KIF26B: variants seen among roughly 807,000 people sequenced by gnomAD.
KIF26B encodes the protein kinesin family member 26B.
A neutral mutation model predicts 151.2 loss-of-function variants in KIF26B; 63 were observed. The ratio of observed to expected loss-of-function variants is 0.42; its 90% confidence interval spans 0.34 to 0.51. The LOEUF (loss-of-function observed/expected upper bound fraction) is 0.51. Ranked by LOEUF, KIF26B falls within the 20% of genes least tolerant of loss-of-function variation. The pLI, the probability that KIF26B is intolerant of heterozygous loss-of-function variation, is 0.07. For missense variants in KIF26B, 2,813 were observed against 2,913.6 expected, an observed-to-expected ratio of 0.97 and a Z score of 0.79; for synonymous variants, 1,357 against 1,262.1, an observed-to-expected ratio of 1.08 and a Z score of -1.59.
At chr1:245,190,973 C>T (rs1287705109) in intron 2 of KIF26B, among the ~76,000 whole-genome samples, 5 of 135,092 alleles carry the variant, frequency 3.7e-5, no homozygotes, top group Admixed American at 1.7e-4. Context: ...GCTGGAGAAT[C>T]GCTTGAACCT....
chr1:245,485,974 G>A (rs1159799862), intron 4 of KIF26B, among the ~76,000 whole-genome samples: 1 of 152,178 alleles, frequency 6.6e-6, no homozygotes, highest in East Asian at 1.9e-4. Context: ...TGGCAACCCC[G>A]TCCTCCAGCT....
At chr1:245,314,160 T>G (rs760976926) in intron 2 of KIF26B, among the ~76,000 whole-genome samples, 1 of 152,122 alleles carries the variant, frequency 6.6e-6, no homozygotes, top group Admixed American at 6.6e-5. Context: ...TAAAAACTTA[T>G]ATTCAGGCGG....
chr1:245,681,527 T>C (rs148008502), intron 10 of KIF26B, among the ~76,000 whole-genome samples: 322 of 152,210 alleles, frequency 2.1e-3, no homozygotes, highest in African/African-American at 7.3e-3. Context: ...GTATGTTTTC[T>C]TGGGGACTTA....
intron 2 of KIF26B, among the ~76,000 whole-genome samples, chr1:245,249,198 A>G (rs891203389): frequency 1.3e-5 from 2 of 151,796 alleles, no homozygotes; most frequent in African/African-American, 2.4e-5. Flanking sequence ...TGCAACCTCT[A>G]CCTCCCAGGT....
intron 4 of KIF26B, among the ~76,000 whole-genome samples, chr1:245,489,133 A>G (rs1258819533): frequency 6.6e-6 from 1 of 152,232 alleles, no homozygotes; most frequent in South Asian, 2.1e-4. Context: ...CTGAGAATCT[A>G]GGTAAAGGCC....
chr1:245,569,593 C>A lies in KIF26B; in HGVS notation c.1350+28643C>A, dbSNP rs553063862. 1.5e-4 allele frequency among the ~76,000 whole-genome samples: 23 copies of A among 151,788 alleles called. No homozygotes were observed. In the East Asian group the frequency reaches 4.5e-3, roughly 29 times the overall value. ...CTGCACTCCAGCCTGGGCGACACAG[C>A]GAGACTCCATCTCAAAGAAACAAAT... On this transcript the variant is annotated intron_variant, in intron 5 of 14. Coordinates refer to ENST00000407071, the MANE Select transcript of KIF26B (RefSeq NM_018012.4).
At chr1:245,210,250 G>C (rs957170039) in intron 2 of KIF26B, among the ~76,000 whole-genome samples, 2 of 152,176 alleles carry the variant, frequency 1.3e-5, no homozygotes, top group Non-Finnish European at 2.9e-5. Context: ...GTGACATCAG[G>C]CCACCCGCAG....
Position 245,572,105 on chromosome 1 carries a change from G to A in KIF26B, c.1351-30472G>A, listed in dbSNP as rs891674781. ...CACAGAGTCCAGATCTCACGACCTC[G>A]CTTTGCAAAGGCTACAAGACCAAGG... On this transcript the variant is annotated intron_variant, in intron 5 of 14. Transcript: ENST00000407071. This position sits in a 1 kb window ranked among gnomAD's most constrained non-coding sequence, Gnocchi z 4.2. 2.0e-5 allele frequency among the ~76,000 whole-genome samples: 3 copies of A among 152,158 alleles called. No homozygotes were observed. The highest frequency in any genetic ancestry group is 4.4e-5 in the Non-Finnish European group (3 of 68,042).
In KIF26B at chr1:245,375,888, C is replaced by T. The variant is rs954636471; in HGVS notation, c.999+8521C>T. 1.3e-5 allele frequency among the ~76,000 whole-genome samples: 2 copies of T among 152,186 alleles called. No individual in the cohort carries two copies. The highest frequency in any genetic ancestry group is 2.1e-4 in the South Asian group (1 of 4,828). On this transcript the variant is annotated intron_variant, in intron 3 of 14. Transcript: ENST00000407071. This position sits in a 1 kb window ranked among gnomAD's most constrained non-coding sequence, Gnocchi z 4.2. ...GGCCGGTCCATGCACAAGTCAGATT[C>T]TTTCATCTGGGTGCCACCACAGAAT...
chr1:245,408,346 ATTC>A (rs1674187576), intron 3 of KIF26B, among the ~76,000 whole-genome samples: 1 of 121,876 alleles, frequency 8.2e-6, no homozygotes, highest in African/African-American at 3.2e-5. Flanking sequence ...TTCTTAAATG[ATTC>A]TTTTTTTTTT....
chr1:245,491,918 A>G (rs1175484540), intron 4 of KIF26B, among the ~76,000 whole-genome samples: 1 of 152,150 alleles, frequency 6.6e-6, no homozygotes, highest in Non-Finnish European at 1.5e-5. Context: ...AGAAAAAAAA[A>G]AAATCTGGTA....
At chr1:245,271,089 C>G (rs1186149722) in intron 2 of KIF26B, among the ~76,000 whole-genome samples, 1 of 152,186 alleles carries the variant, frequency 6.6e-6, no homozygotes, top group African/African-American at 2.4e-5. Context: ...TCTGATCTCT[C>G]TATTCTGCTC....
intron 10 of KIF26B, among the ~76,000 whole-genome samples, chr1:245,654,438 G>C (rs1236233609): frequency 1.2e-4 from 18 of 152,302 alleles, no homozygotes; most frequent in African/African-American, 4.3e-4. Flanking sequence ...ATGGCTGTCA[G>C]TGGGGCCTGA....
intron 3 of KIF26B, among the ~76,000 whole-genome samples, chr1:245,414,492 C>T (rs1244235755): frequency 2.0e-5 from 3 of 152,164 alleles, no homozygotes; most frequent in African/African-American, 7.2e-5. Flanking sequence ...AGGGCTGAAG[C>T]CGTGGGCCCA....
chr1:245,254,821 G>A (rs1184102363), intron 2 of KIF26B, among the ~76,000 whole-genome samples: 1 of 152,186 alleles, frequency 6.6e-6, no homozygotes, highest in African/African-American at 2.4e-5. Context: ...CTTTTGCCAT[G>A]CCTGTTTCAG....
intron 10 of KIF26B, among the ~76,000 whole-genome samples, chr1:245,678,150 T>G (rs1043824217): frequency 6.6e-6 from 1 of 152,096 alleles, no homozygotes; most frequent in Non-Finnish European, 1.5e-5. Flanking sequence ...AGGAGGATAT[T>G]TGAACAGTCA....
Position 245,702,588 on chromosome 1 carries a change from C to A in KIF26B, c.6309C>A (p.Ile2103=), listed in dbSNP as rs762473342. The change falls in exon 15 of 15, where the codon ATC becomes ATA. Residue 2103 remains isoleucine, a synonymous_variant. Coordinates refer to ENST00000407071, the MANE Select transcript of KIF26B (RefSeq NM_018012.4). This position sits in a 1 kb window ranked among gnomAD's most constrained non-coding sequence, Gnocchi z 4.1. ...AHLMMITCFD[I]TSRRR is the part of the protein sequence containing the mutation. ...TCATGATGATCACCTGCTTCGACAT[C>A]ACCTCCAGGCGCCGGTAGATGAGCC... 1.2e-6 allele frequency: 2 copies of A among 1,613,762 alleles called. No individual in the cohort carries two copies. Among genetic ancestry groups the A allele is most frequent in the Non-Finnish European group, 1.7e-6 (2 of 1,179,826 alleles).
chr1:245,200,070 A>G (rs1669271047), intron 2 of KIF26B, among the ~76,000 whole-genome samples: 1 of 152,146 alleles, frequency 6.6e-6, no homozygotes, highest in Non-Finnish European at 1.5e-5. Flanking sequence ...AATTCACGAG[A>G]TTGTTCTAAC....
intron 9 of KIF26B, among the ~76,000 whole-genome samples, chr1:245,616,553 A>G (rs1310549421): frequency 6.6e-6 from 1 of 152,218 alleles, no homozygotes; most frequent in Non-Finnish European, 1.5e-5. Context: ...CTAAATACAG[A>G]TTTCATGTAT....
Sources: allele counts gnomAD v4.1 joint callset (sites outside exome capture counted in the v4.1 genomes callset), GRCh38; gene constraint gnomAD v4.1.1; non-coding constraint Gnocchi (gnomAD v3.1); transcripts MANE v1.5; gene names NCBI Gene and HGNC (gene_info 2026-07-23, HGNC 2026-07-21).